Variants in PRKCE observed in about 807,000 individuals in gnomAD.
The protein encoded by PRKCE is protein kinase C epsilon type.
In PRKCE, 16 loss-of-function variants were observed where a neutral mutation model predicts 85.4. The observed-to-expected ratio is 0.19, with a 90% confidence interval of 0.13 to 0.28. PRKCE has a LOEUF of 0.28. Among genes scored for constraint, PRKCE ranks in the 10% least tolerant of loss-of-function variants. The pLI, the probability that PRKCE is intolerant of heterozygous loss-of-function variation, is 1.00. For missense variants in PRKCE, 573 were observed against 975.2 expected (o/e 0.59, Z 5.49); for synonymous variants, 388 against 371.5 (o/e 1.04, Z -0.51).
At chr2:45,849,705 G>A (rs759571423) in intron 2 of PRKCE, among the ~76,000 whole-genome samples, 9 of 152,164 alleles carry the variant, frequency 5.9e-5, no homozygotes, top group South Asian at 4.1e-4. Flanking sequence ...GGCAGTGCAC[G>A]GAGCCCAGAA....
chr2:46,063,672 G>A (rs1267085005), intron 10 of PRKCE, among the ~76,000 whole-genome samples: 6 of 152,108 alleles, frequency 3.9e-5, no homozygotes, highest in African/African-American at 1.4e-4. Flanking sequence ...AGAGAATTCC[G>A]CAACTGTGAC....
rs1684981613 is a variant in PRKCE, at chr2:45,767,228, G to C, written c.349-75772G>C. Among the ~76,000 whole-genome samples the C allele has an allele frequency of 4.6e-5, 7 of 152,190 alleles. No homozygotes were observed. The South Asian group carries it at 1.5e-3, about 32-fold the overall frequency. ...CTGCTTCTGGAAGGAGGGTAGAGAG[G>C]AATTAGCCCAACCCTCTAACTTAAT... On this transcript the variant is annotated intron_variant, in intron 1 of 14. Coordinates refer to ENST00000306156, the MANE Select transcript of PRKCE (RefSeq NM_005400.3).
intron 11 of PRKCE, among the ~76,000 whole-genome samples, chr2:46,093,772 GT>G (rs1186893704): frequency 1.3e-5 from 2 of 151,788 alleles, no homozygotes; most frequent in African/African-American, 2.4e-5. Flanking sequence ...TTTTAGTTCC[GT>G]TTCTCACCCA....
chr2:46,046,683 G>A (rs1481016261), intron 10 of PRKCE, among the ~76,000 whole-genome samples: 4 of 152,222 alleles, frequency 2.6e-5, no homozygotes, highest in Non-Finnish European at 5.9e-5. Flanking sequence ...CAGTGGGGGA[G>A]GCGGAGTGTC....
chr2:46,109,755 G>T (rs765318243), intron 11 of PRKCE, among the ~76,000 whole-genome samples: 6 of 152,018 alleles, frequency 3.9e-5, no homozygotes, highest in Non-Finnish European at 8.8e-5. Context: ...GGAATGGGGG[G>T]AGAGGACCTT....
At position 45,776,286 on chromosome 2, in the gene PRKCE, TC is replaced by T; in HGVS notation, c.349-66711del. Among the ~76,000 whole-genome samples, 2 of 152,344 alleles carry T rather than the reference TC, an allele frequency of 1.3e-5. 1 individual carries two copies. The highest frequency in any genetic ancestry group is 4.1e-4 in the South Asian group (2 of 4,830). ...TAAACTCTCCTCACTTTCTGAGCCATCCCTTTGGCATTTTCCTTGAGGTCAG... is the reference window on the plus strand; with the variant it reads ...TAAACTCTCCTCACTTTCTGAGCCATCCTTTGGCATTTTCCTTGAGGTCAG... On this transcript the variant is annotated intron_variant, in intron 1 of 14. Coordinates refer to ENST00000306156, the MANE Select transcript of PRKCE (RefSeq NM_005400.3).
rs1294668200 is a variant in PRKCE at position 45,907,536 on chromosome 2, C to T, written c.412+64473C>T. Among the ~76,000 whole-genome samples, 1 of 152,214 alleles carries T rather than the reference C, an allele frequency of 6.6e-6. No individual in the cohort carries two copies. Among genetic ancestry groups the T allele is most frequent in the Non-Finnish European group, 1.5e-5 (1 of 68,044 alleles). On this transcript the variant is annotated intron_variant, in intron 2 of 14. Coordinates refer to ENST00000306156, the MANE Select transcript of PRKCE (RefSeq NM_005400.3). The surrounding 1 kb of genome is among the most constrained non-coding windows in gnomAD (Gnocchi z 4.5). ...GTCATCGCAGGCCCTGTTCATCTCT[C>T]CGGGCAGTGGCATAGCAGGCAGTGA...
chr2:45,883,431 C>T (rs1457314009), intron 2 of PRKCE, among the ~76,000 whole-genome samples: 1 of 152,192 alleles, frequency 6.6e-6, no homozygotes, highest in African/African-American at 2.4e-5. Context: ...GTCTAATGGC[C>T]TTCGGGAGCC....
intron 12 of PRKCE, among the ~76,000 whole-genome samples, chr2:46,148,861 T>A (rs1233622286): frequency 6.6e-6 from 1 of 151,640 alleles, no homozygotes; most frequent in East Asian, 1.9e-4. Context: ...GAGGGAGGAG[T>A]TGGCATTGGC....
At chr2:45,961,092 A>G (rs1457405853) in intron 2 of PRKCE, among the ~76,000 whole-genome samples, 1 of 151,730 alleles carries the variant, frequency 6.6e-6, no homozygotes, top group Non-Finnish European at 1.5e-5. Flanking sequence ...AGTCAGCCTT[A>G]CTCACTTATA....
chr2:45,830,072 C>CAAAAAAAAAA (rs34553119), intron 1 of PRKCE, among the ~76,000 whole-genome samples: 1 of 108,892 alleles, frequency 9.2e-6, no homozygotes, highest in African/African-American at 3.6e-5. Flanking sequence ...GACTCCGTCT[C>CAAAAAAAAAA]AAAAAAAAAA....
intron 1 of PRKCE, among the ~76,000 whole-genome samples, chr2:45,777,847 G>A (rs769125654): frequency 5.9e-5 from 9 of 152,142 alleles, no homozygotes; most frequent in Non-Finnish European, 1.0e-4. Context: ...CCTCATGGAG[G>A]TATGATCTTT....
chr2:45,660,413 A>G (rs664440), intron 1 of PRKCE, among the ~76,000 whole-genome samples: 61,563 of 151,986 alleles, frequency 0.41, 12,573 homozygotes, highest in Non-Finnish European at 0.43. Flanking sequence ...CAAAAGTAGG[A>G]ATTTTCTACC....
intron 1 of PRKCE, among the ~76,000 whole-genome samples, chr2:45,733,312 A>C (rs1000689536): frequency 3.3e-5 from 5 of 152,198 alleles, no homozygotes; most frequent in Non-Finnish European, 7.3e-5. Flanking sequence ...TTCATTCAAC[A>C]AGAATTTGTT....
intron 2 of PRKCE, among the ~76,000 whole-genome samples, chr2:45,969,349 A>C (rs1381795120): frequency 6.6e-6 from 1 of 152,182 alleles, no homozygotes; most frequent in Non-Finnish European, 1.5e-5. Flanking sequence ...ACGGACCTCC[A>C]AAGAGCCAAA....
At chr2:45,705,464 G>A (rs1028364467) in intron 1 of PRKCE, among the ~76,000 whole-genome samples, 10 of 152,216 alleles carry the variant, frequency 6.6e-5, no homozygotes, top group South Asian at 4.1e-4. Flanking sequence ...GAGGCGGGGT[G>A]TAAACCCAGC....
chr2:45,730,630 T>G (rs6544849), intron 1 of PRKCE, among the ~76,000 whole-genome samples: 11 of 151,454 alleles, frequency 7.3e-5, no homozygotes, highest in Non-Finnish European at 1.5e-4. Flanking sequence ...TGGCTAATTT[T>G]TGTATTTTTA....
intron 1 of PRKCE, among the ~76,000 whole-genome samples, chr2:45,729,552 C>G (rs1422569734): frequency 6.6e-6 from 1 of 152,156 alleles, no homozygotes; most frequent in African/African-American, 2.4e-5. Context: ...TATTTTTAGG[C>G]CCCAGTGAGG....
intron 2 of PRKCE, among the ~76,000 whole-genome samples, chr2:45,848,310 A>ATTT (rs11378500): frequency 6.7e-6 from 1 of 150,338 alleles, no homozygotes; most frequent in African/African-American, 2.4e-5. Flanking sequence ...TTAGCAATTC[A>ATTT]TTTTTTTTTT....
Sources: allele counts gnomAD v4.1 joint callset (sites outside exome capture counted in the v4.1 genomes callset), GRCh38; gene constraint gnomAD v4.1.1; non-coding constraint Gnocchi (gnomAD v3.1); transcripts MANE v1.5; gene names NCBI Gene and HGNC (gene_info 2026-07-23, HGNC 2026-07-21).